FCHO2: variants seen among roughly 807,000 people sequenced by gnomAD.
The protein encoded by FCHO2 is F-BAR domain only protein 2.
Under a neutral mutation model 114.1 loss-of-function variants are expected in FCHO2, and 43 were observed. The observed-to-expected ratio is 0.38, with a 90% CI of 0.30 to 0.49. The LOEUF is 0.49. Among genes scored for constraint, FCHO2 ranks in the 20% least tolerant of loss-of-function variants. The pLI is 0.97. For synonymous variants in FCHO2, 293 were observed against 315.2 expected, an observed-to-expected ratio of 0.93 and a Z score of 0.75; for missense variants, 807 against 950.4, an observed-to-expected ratio of 0.85 and a Z score of 1.98.
At chr5:73,077,755 T>A (rs1742960630) in intron 21 of FCHO2, among the ~76,000 whole-genome samples, 1 of 152,034 alleles carries the variant, frequency 6.6e-6, no homozygotes, top group Admixed American at 6.6e-5. Flanking sequence ...GAGGCTGAGG[T>A]GGGAGAATCG....
chr5:73,074,663 A>G, intron 19 of FCHO2, 79 bp from the exon 20 acceptor site: 1 of 1,344,412 alleles, frequency 7.4e-7, no homozygotes, highest in Admixed American at 2.0e-5. Flanking sequence ...GTGACAGCCT[A>G]ACAATGTGAA....
At chr5:73,077,063 CA>C (rs540553979) in intron 20 of FCHO2, among the ~76,000 whole-genome samples, 34 of 151,942 alleles carry the variant, frequency 2.2e-4, no homozygotes, top group African/African-American at 8.0e-4. Flanking sequence ...ATGGTTATCA[CA>C]AAAAAGTGAA....
chr5:73,049,295 C>G (rs1313961114), intron 11 of FCHO2, among the ~76,000 whole-genome samples: 1 of 152,150 alleles, frequency 6.6e-6, no homozygotes, highest in African/African-American at 2.4e-5. Flanking sequence ...CCACACCACA[C>G]CCCAAGATAC....
In FCHO2 at chr5:73,078,459, A is replaced by G. The variant is rs1291554981; in HGVS notation, c.1980+147A>G. 5.3e-6 allele frequency: 4 copies of G among 760,392 alleles called. No individual in the cohort carries two copies. The East Asian group carries it at 1.1e-4, about 22-fold the overall frequency. 47.1% of individuals were successfully genotyped at this position (760,392 alleles called of 1,614,324 possible). On this transcript the variant is annotated intron_variant, in intron 22 of 25. Coordinates refer to ENST00000430046, the MANE Select transcript of FCHO2 (RefSeq NM_138782.3). ...AAATTAGAAAATCTGTTTATAAGCC[A>G]GTGGAGATTTTGACCAGTTTGGTAA...
intron 17 of FCHO2, among the ~76,000 whole-genome samples, chr5:73,061,165 T>C (rs1390076317): frequency 2.0e-5 from 3 of 152,076 alleles, no homozygotes; most frequent in African/African-American, 7.2e-5. Flanking sequence ...CACAGCATTG[T>C]TGCTTTGCCA....
intron 16 of FCHO2, among the ~76,000 whole-genome samples, chr5:73,056,885 G>A (rs1420931481): frequency 1.3e-5 from 2 of 151,894 alleles, no homozygotes; most frequent in Admixed American, 1.3e-4. Flanking sequence ...AAAAAAAAAT[G>A]TTAAGCCAAT....
intron 5 of FCHO2, among the ~76,000 whole-genome samples, chr5:72,991,654 A>G (rs1415238643): frequency 6.6e-6 from 1 of 152,186 alleles, no homozygotes; most frequent in African/African-American, 2.4e-5. Context: ...TCCTTTCAAA[A>G]CAGTTTAACC....
At chr5:72,976,652 C>T (rs1397580678) in intron 2 of FCHO2, among the ~76,000 whole-genome samples, 6 of 151,906 alleles carry the variant, frequency 3.9e-5, no homozygotes, top group Non-Finnish European at 5.9e-5. Context: ...ACTTTAAGCC[C>T]TGGGATATAG....
At chr5:73,054,613 C>CT (rs1210902531) in intron 15 of FCHO2, 64 bp downstream of exon 15, 1 of 1,188,242 alleles carries the variant, frequency 8.4e-7, no homozygotes, top group African/African-American at 1.5e-5. Flanking sequence ...ATTTGTTAGT[C>CT]TTTTACCTTT....
At chr5:73,081,683 T>G (rs1743095849) in intron 22 of FCHO2, 100 bp from the exon 23 acceptor site, 2 of 822,964 alleles carry the variant, frequency 2.4e-6, no homozygotes, top group Admixed American at 7.4e-5. Flanking sequence ...CATTAGATAT[T>G]TTTGATTTTG....
chr5:73,076,948 T>TACCATC (rs1431900673), intron 20 of FCHO2, among the ~76,000 whole-genome samples: 1 of 152,146 alleles, frequency 6.6e-6, no homozygotes, highest in Non-Finnish European at 1.5e-5. Flanking sequence ...GCCTCCTTGC[T>TACCATC]ACCATCACCA....
intron 22 of FCHO2, 135 bp downstream of exon 22, chr5:73,078,447 T>G (rs77305983): frequency 0.016 from 13,748 of 835,006 alleles, 152 homozygotes; most frequent in Middle Eastern, 0.026. Flanking sequence ...TTAGAAAATC[T>G]GTTTATAAGC....
intron 5 of FCHO2, chr5:72,996,885 G>T: frequency 2.7e-6 from 4 of 1,483,386 alleles, no homozygotes; most frequent in Non-Finnish European, 3.6e-6. Context: ...GGGGCCGGCG[G>T]GGCCGGCAGA....
intron 2 of FCHO2, among the ~76,000 whole-genome samples, chr5:72,986,581 C>T (rs1753534279): frequency 6.6e-6 from 1 of 152,160 alleles, no homozygotes; most frequent in Non-Finnish European, 1.5e-5. Context: ...TTACCTTGCC[C>T]CCACCCTCAA....
At chr5:73,068,127 G>T (rs951304159) in intron 18 of FCHO2, among the ~76,000 whole-genome samples, 1 of 152,076 alleles carries the variant, frequency 6.6e-6, no homozygotes, top group East Asian at 1.9e-4. Context: ...TAAGGCAAAG[G>T]CTTAGTGAAA....
chr5:73,088,323 C>T lies in FCHO2; in HGVS notation c.*233C>T. The T allele has an allele frequency of 1.9e-6, 1 of 520,118 alleles. No homozygotes were observed. Among genetic ancestry groups the T allele is most frequent in the East Asian group, 3.1e-5 (1 of 32,540 alleles). The allele number at this position is 520,118 out of a possible 1,614,324, so 32.2% of individuals were successfully genotyped here. ...ACAATATTCAGGAAGCACATTTATT[C>T]AGATTCTCAGTAAAAATGAAGTTTT... On this transcript the variant is annotated 3_prime_UTR_variant, in exon 26 of 26. Coordinates refer to ENST00000430046, the MANE Select transcript of FCHO2 (RefSeq NM_138782.3).
intron 5 of FCHO2, among the ~76,000 whole-genome samples, chr5:73,004,952 T>C (rs2112711591): frequency 6.6e-6 from 1 of 152,328 alleles, no homozygotes; most frequent in East Asian, 1.9e-4. Flanking sequence ...CATCCATGGC[T>C]TCAGACATCT....
chr5:72,991,307 G>A (rs900062795), intron 5 of FCHO2, among the ~76,000 whole-genome samples: 2 of 152,092 alleles, frequency 1.3e-5, no homozygotes, highest in Non-Finnish European at 2.9e-5. Context: ...CAGGTGATCC[G>A]CCCACCTTGG....
intron 6 of FCHO2, among the ~76,000 whole-genome samples, chr5:73,010,546 G>A (rs772192018): frequency 2.0e-5 from 3 of 152,010 alleles, no homozygotes; most frequent in Non-Finnish European, 2.9e-5. Context: ...AAGAAATGTC[G>A]TTAGGCAATT....
Sources: allele counts gnomAD v4.1 joint callset (sites outside exome capture counted in the v4.1 genomes callset), GRCh38; gene constraint gnomAD v4.1.1; transcripts MANE v1.5; gene names NCBI Gene and HGNC (gene_info 2026-07-23, HGNC 2026-07-21).